CNTN6: variants seen among roughly 807,000 people sequenced by gnomAD.
The protein encoded by CNTN6 is contactin-6.
CNTN6 carries 137 observed loss-of-function variants against 122.8 expected under a neutral mutation model. The ratio of observed to expected loss-of-function variants is 1.12; its 90% CI spans 0.97 to 1.29. The LOEUF (loss-of-function observed/expected upper bound fraction) is 1.29. CNTN6 is among the 50% of genes most tolerant of loss of function. CNTN6 has a pLI of 0.00. For missense variants in CNTN6, 1,634 were observed against 1,223.4 expected (o/e 1.34, Z -5.01); for synonymous variants, 570 against 426.0 (o/e 1.34, Z -4.16).
chr3:1,262,140 C>G (rs1024518476), intron 4 of CNTN6, among the ~76,000 whole-genome samples: 1 of 152,142 alleles, frequency 6.6e-6, no homozygotes, highest in African/African-American at 2.4e-5. Context: ...TGGGCAACCT[C>G]TTTTCTGCAG....
chr3:1,202,366 G>A (rs9818765), intron 2 of CNTN6, among the ~76,000 whole-genome samples: 2 of 151,606 alleles, frequency 1.3e-5, no homozygotes. Context: ...CGGTGAAACC[G>A]CGTCTCTACT....
At chr3:1,338,136 C>T (rs1249928616) in intron 11 of CNTN6, among the ~76,000 whole-genome samples, 1 of 152,106 alleles carries the variant, frequency 6.6e-6, no homozygotes, top group African/African-American at 2.4e-5. Flanking sequence ...TAAAGCCACC[C>T]TTGGTGGCTT....
chr3:1,137,302 T>C (rs990252258), intron 1 of CNTN6, among the ~76,000 whole-genome samples: 1 of 152,232 alleles, frequency 6.6e-6, no homozygotes. Flanking sequence ...GTTAATGCCT[T>C]TTTGTTGTAC....
At chr3:1,282,187 G>C (rs1170003915) in intron 5 of CNTN6, among the ~76,000 whole-genome samples, 1 of 152,140 alleles carries the variant, frequency 6.6e-6, no homozygotes, top group African/African-American at 2.4e-5. Flanking sequence ...CAAATAAACA[G>C]GTACTTTTAT....
intron 11 of CNTN6, among the ~76,000 whole-genome samples, chr3:1,342,574 ACAC>A (rs1704057936): frequency 6.6e-6 from 1 of 151,984 alleles, no homozygotes; most frequent in African/African-American, 2.4e-5. Flanking sequence ...ATATTTAATT[ACAC>A]TCTGCCTAAT....
At chr3:1,367,449 G>C (rs572847236) in intron 12 of CNTN6, among the ~76,000 whole-genome samples, 53 of 152,030 alleles carry the variant, frequency 3.5e-4, no homozygotes, top group African/African-American at 1.2e-3. Context: ...CCTGTGCTGA[G>C]GAAGTCCCCA....
intron 4 of CNTN6, among the ~76,000 whole-genome samples, chr3:1,259,311 C>T (rs1272756003): frequency 6.6e-6 from 1 of 152,058 alleles, no homozygotes; most frequent in Non-Finnish European, 1.5e-5. Context: ...AACTCAGGCT[C>T]ACTCTAGGGC....
chr3:1,300,813 C>T (rs934642523), intron 7 of CNTN6, among the ~76,000 whole-genome samples: 6 of 152,050 alleles, frequency 3.9e-5, no homozygotes. Flanking sequence ...CTCCCCCTCT[C>T]TCTCTTTCTT....
At chr3:1,275,881 C>T (rs114019640) in intron 4 of CNTN6, among the ~76,000 whole-genome samples, 4,224 of 152,216 alleles carry the variant, frequency 0.028, 202 homozygotes, top group African/African-American at 0.097. Context: ...GCTTGCCTGC[C>T]ACTCATCTCC....
At chr3:1,152,576 T>A (rs1252613457) in intron 2 of CNTN6, among the ~76,000 whole-genome samples, 1 of 152,240 alleles carries the variant, frequency 6.6e-6, no homozygotes, top group Non-Finnish European at 1.5e-5. Flanking sequence ...TGTGATTAAC[T>A]GTCACATTTT....
chr3:1,379,325 T>C (rs1406406374), intron 17 of CNTN6, among the ~76,000 whole-genome samples: 1 of 152,194 alleles, frequency 6.6e-6, no homozygotes, highest in Non-Finnish European at 1.5e-5. Context: ...CATTAATGTA[T>C]TGATGCTTTC....
At chr3:1,332,873 T>A (rs1022085870) in intron 11 of CNTN6, among the ~76,000 whole-genome samples, 3 of 152,008 alleles carry the variant, frequency 2.0e-5, no homozygotes, top group Non-Finnish European at 4.4e-5. Context: ...CAGAACCCCC[T>A]CTTCTTTTTC....
In CNTN6 at chr3:1,158,931, T is replaced by TAC. The variant is rs200516499; in HGVS notation, c.55+10878_55+10879dup. Among the ~76,000 whole-genome samples, 16 of 107,898 alleles carry TAC rather than the reference T, an allele frequency of 1.5e-4. 1 individual carries two copies. Among genetic ancestry groups the TAC allele is most frequent in the Non-Finnish European group, 2.2e-4 (12 of 55,134 alleles). 70.8% of individuals were successfully genotyped at this position (107,898 alleles called of 152,430 possible). On this transcript the variant is annotated intron_variant, in intron 2 of 22. Transcript: ENST00000446702. Reference sequence around the variant, plus strand: ...ATATATACACACACATATATATATATACACACACACATATATATATATACA... The same window carrying TAC: ...ATATATACACACACATATATATATATACACACACACACATATATATATATACA...
intron 2 of CNTN6, among the ~76,000 whole-genome samples, chr3:1,175,476 T>G (rs986545392): frequency 7.2e-5 from 11 of 152,304 alleles, no homozygotes; most frequent in Non-Finnish European, 1.3e-4. Context: ...GTTAGCCAAT[T>G]GCAGATAGCA....
At chr3:1,330,690 G>A (rs555137662) in intron 11 of CNTN6, among the ~76,000 whole-genome samples, 74 of 151,896 alleles carry the variant, frequency 4.9e-4, no homozygotes, top group South Asian at 1.0e-3. Context: ...AGTCCCTTTC[G>A]TTCAATGAGC....
At chr3:1,347,821 G>A (rs1448775530) in intron 11 of CNTN6, among the ~76,000 whole-genome samples, 1 of 151,998 alleles carries the variant, frequency 6.6e-6, no homozygotes, top group African/African-American at 2.4e-5. Context: ...ACAGACAAGA[G>A]GTTGCATGAA....
Position 1,204,161 on chromosome 3 carries a change from A to G in CNTN6, c.56-16526A>G, listed in dbSNP as rs569090564. ...CCAAATGTTTATGTTATTAGTATAT[A>G]TAGAGAGAGCCAATGACATTTCAGA... is the stretch of plus-strand genomic sequence containing the variant. On this transcript the variant is annotated intron_variant, in intron 2 of 22. Transcript: ENST00000446702. Among the ~76,000 whole-genome samples, 13 of 152,332 alleles carry G rather than the reference A, an allele frequency of 8.5e-5. 2 individuals are homozygous for G. In the South Asian group the frequency reaches 1.9e-3, roughly 22 times the overall value.
intron 1 of CNTN6, among the ~76,000 whole-genome samples, chr3:1,134,837 G>T (rs773691244): frequency 2.0e-5 from 3 of 152,138 alleles, no homozygotes; most frequent in Non-Finnish European, 4.4e-5. Flanking sequence ...TTGGAAGGTG[G>T]CAATGTCTGC....
intron 2 of CNTN6, among the ~76,000 whole-genome samples, chr3:1,201,116 T>G (rs1182243595): frequency 1.1e-4 from 17 of 148,450 alleles, no homozygotes; most frequent in Non-Finnish European, 2.4e-4. Flanking sequence ...TGTGTGTGTG[T>G]GTGTGTGTGT....
Sources: gnomAD v4.1 joint callset for allele counts (sites outside exome capture counted in the v4.1 genomes callset) on GRCh38, gnomAD v4.1.1 for gene constraint, MANE v1.5 for transcripts, NCBI Gene and HGNC (gene_info 2026-07-23, HGNC 2026-07-21) for gene names.